NAALADL2: variants seen among roughly 807,000 people sequenced by gnomAD.
NAALADL2 encodes the protein inactive N-acetylated-alpha-linked acidic dipeptidase-like protein 2.
NAALADL2 carries 76 observed loss-of-function variants against 87.2 expected under a neutral mutation model. The observed-to-expected ratio is 0.87, with a 90% CI of 0.72 to 1.05. The LOEUF is 1.05. Among genes scored for constraint, NAALADL2 ranks in the 50% least tolerant of loss-of-function variants. The pLI is 0.00. For missense variants in NAALADL2, 1,089 were observed against 945.8 expected, an observed-to-expected ratio of 1.15 and a Z score of -1.99; for synonymous variants, 354 against 331.0, an observed-to-expected ratio of 1.07 and a Z score of -0.75.
At chr3:175,493,379 A>G (rs1728367914) in intron 9 of NAALADL2, among the ~76,000 whole-genome samples, 1 of 152,156 alleles carries the variant, frequency 6.6e-6, no homozygotes, top group Non-Finnish European at 1.5e-5. Flanking sequence ...GTAGTAAAAT[A>G]GGGATCATCC....
chr3:175,508,386 C>T (rs894597477), intron 9 of NAALADL2, among the ~76,000 whole-genome samples: 4 of 152,264 alleles, frequency 2.6e-5, no homozygotes, highest in South Asian at 4.1e-4. Context: ...TTTTTAGTGC[C>T]TATTTACCTC....
intron 5 of NAALADL2, among the ~76,000 whole-genome samples, chr3:175,428,193 A>G (rs1051844375): frequency 1.7e-4 from 26 of 152,216 alleles, no homozygotes; most frequent in African/African-American, 5.5e-4. Context: ...TTGATGGCAT[A>G]CAGCTTGACT....
intron 13 of NAALADL2, among the ~76,000 whole-genome samples, chr3:175,790,561 T>C (rs537661195): frequency 9.8e-5 from 15 of 152,316 alleles, no homozygotes; most frequent in African/African-American, 3.6e-4. Flanking sequence ...GAATTCTAGA[T>C]TTACTTTCTT....
At chr3:174,486,297 A>G (rs1050581851) in intron 1 of NAALADL2, among the ~76,000 whole-genome samples, 30 of 152,066 alleles carry the variant, frequency 2.0e-4, no homozygotes, top group Non-Finnish European at 2.9e-5. Context: ...GCGTATTTCA[A>G]AATCATTCCT....
intron 9 of NAALADL2, among the ~76,000 whole-genome samples, chr3:175,490,675 G>A (rs191494284): frequency 1.1e-4 from 17 of 151,892 alleles, no homozygotes; most frequent in Non-Finnish European, 1.6e-4. Context: ...GATTACAGGC[G>A]TGAGCCACCG....
chr3:175,348,111 G>A (rs545191915), intron 5 of NAALADL2, among the ~76,000 whole-genome samples: 12 of 152,254 alleles, frequency 7.9e-5, no homozygotes, highest in African/African-American at 2.9e-4. Flanking sequence ...GAGTGCAACA[G>A]TGTGATCTTG....
At chr3:175,201,801 A>AC (rs969427058) in intron 2 of NAALADL2, among the ~76,000 whole-genome samples, 1 of 151,832 alleles carries the variant, frequency 6.6e-6, no homozygotes, top group Non-Finnish European at 1.5e-5. Context: ...TGGAAAAAAA[A>AC]AAAAAACAAA....
At chr3:175,380,400 T>G (rs999396181) in intron 5 of NAALADL2, among the ~76,000 whole-genome samples, 1 of 152,128 alleles carries the variant, frequency 6.6e-6, no homozygotes, top group African/African-American at 2.4e-5. Context: ...TTTCTCCAGC[T>G]TGACACTTTT....
intron 3 of NAALADL2, among the ~76,000 whole-genome samples, chr3:174,853,090 G>T (rs889941275): frequency 1.9e-4 from 29 of 151,182 alleles, no homozygotes; most frequent in Admixed American, 1.8e-3. Flanking sequence ...ATCTGGCAGG[G>T]TGCAGTGGCT....
chr3:174,614,805 T>G (rs640191), intron 2 of NAALADL2, among the ~76,000 whole-genome samples: 27,357 of 152,102 alleles, frequency 0.18, 3,037 homozygotes, highest in African/African-American at 0.3. Context: ...TGTTGTTGTT[T>G]TTTTAGAAAT....
chr3:175,706,528 C>T (rs543484880), intron 11 of NAALADL2, among the ~76,000 whole-genome samples: 3 of 152,074 alleles, frequency 2.0e-5, no homozygotes, highest in Non-Finnish European at 4.4e-5. Context: ...ATTTTTGGAC[C>T]ACAGTTAACC....
At chr3:175,630,277 A>G (rs1383567930) in intron 11 of NAALADL2, among the ~76,000 whole-genome samples, 1 of 151,826 alleles carries the variant, frequency 6.6e-6, no homozygotes, top group South Asian at 2.1e-4. Flanking sequence ...TACAGGATAT[A>G]TGGAGCATGG....
chr3:174,753,346 G>T (rs543115994), intron 3 of NAALADL2, among the ~76,000 whole-genome samples: 129 of 152,148 alleles, frequency 8.5e-4, no homozygotes, highest in Non-Finnish European at 1.5e-3. Flanking sequence ...AAAGTGCTGG[G>T]ATTACAGGCA....
intron 10 of NAALADL2, among the ~76,000 whole-genome samples, chr3:175,619,058 G>A (rs562988928): frequency 2.1e-3 from 314 of 152,224 alleles, no homozygotes; most frequent in Non-Finnish European, 3.0e-3. Context: ...ACAAAAAGGC[G>A]CCTCTGGAGG....
chr3:174,535,981 AG>A (rs1257847056), intron 1 of NAALADL2, among the ~76,000 whole-genome samples: 1 of 152,148 alleles, frequency 6.6e-6, no homozygotes, highest in Non-Finnish European at 1.5e-5. Context: ...GATAGTTTGT[AG>A]TTGCTCATAT....
chr3:174,725,542 G>A (rs924753686), intron 2 of NAALADL2, among the ~76,000 whole-genome samples: 22 of 152,080 alleles, frequency 1.4e-4, no homozygotes, highest in Non-Finnish European at 2.8e-4. Flanking sequence ...AAACCATTTC[G>A]TAATTTCTCC....
intron 5 of NAALADL2, among the ~76,000 whole-genome samples, chr3:175,390,020 A>T (rs888241363): frequency 5.9e-5 from 9 of 152,208 alleles, no homozygotes; most frequent in African/African-American, 2.2e-4. Flanking sequence ...AGCAGGGAAT[A>T]AGGAATAAGA....
At chr3:175,419,799 T>G (rs1715343264) in intron 5 of NAALADL2, among the ~76,000 whole-genome samples, 1 of 151,896 alleles carries the variant, frequency 6.6e-6, no homozygotes, top group Non-Finnish European at 1.5e-5. Context: ...TAGCTGGGGA[T>G]GAACTATTTG....
At chr3:175,783,042 T>G (rs1321515348) in intron 13 of NAALADL2, among the ~76,000 whole-genome samples, 1 of 150,314 alleles carries the variant, frequency 6.7e-6, no homozygotes, top group Admixed American at 6.6e-5. Context: ...TTCTGAGGGC[T>G]CTGTTCTGTT....
Sources: gnomAD v4.1 joint callset for allele counts (sites outside exome capture counted in the v4.1 genomes callset) on GRCh38, gnomAD v4.1.1 for gene constraint, MANE v1.5 for transcripts, NCBI Gene and HGNC (gene_info 2026-07-23, HGNC 2026-07-21) for gene names.